The following SNX9 variants were observed in gnomAD, a reference collection of about 807,000 sequenced individuals.
The protein encoded by SNX9 is sorting nexin-9.
In SNX9, 44 loss-of-function variants were observed where a neutral mutation model predicts 89.4. That is an observed-to-expected ratio of 0.49 (90% CI 0.39 to 0.63). The LOEUF (loss-of-function observed/expected upper bound fraction) is 0.63. Ranked by LOEUF, SNX9 falls within the 30% of genes least tolerant of loss-of-function variation. SNX9 has a pLI of 0.00. For synonymous variants in SNX9, 236 were observed against 247.8 expected, an observed-to-expected ratio of 0.95 and a Z score of 0.45; for missense variants, 578 against 736.1, an observed-to-expected ratio of 0.79 and a Z score of 2.49.
intron 4 of SNX9, among the ~76,000 whole-genome samples, chr6:157,881,811 A>G (rs1782628777): frequency 1.3e-5 from 2 of 152,206 alleles, no homozygotes; most frequent in South Asian, 2.1e-4. Flanking sequence ...TGCAGAAGAA[A>G]AGTTTGAAGC....
At chr6:157,890,916 G>T (rs1013113668) in intron 4 of SNX9, among the ~76,000 whole-genome samples, 1 of 151,180 alleles carries the variant, frequency 6.6e-6, no homozygotes, top group African/African-American at 2.4e-5. Context: ...TCTCATATTT[G>T]CCCATTCCTC....
intron 1 of SNX9, among the ~76,000 whole-genome samples, chr6:157,835,282 G>T (rs1282830177): frequency 2.6e-5 from 4 of 152,008 alleles, no homozygotes; most frequent in Non-Finnish European, 4.4e-5. Flanking sequence ...CAAAGTGCTG[G>T]GATTACAGGC....
intron 4 of SNX9, among the ~76,000 whole-genome samples, chr6:157,896,011 A>G (rs1368945609): frequency 2.0e-5 from 3 of 152,238 alleles, no homozygotes; most frequent in African/African-American, 7.2e-5. Flanking sequence ...TTAACCATCA[A>G]CTTTTTTTCT....
intron 2 of SNX9, among the ~76,000 whole-genome samples, chr6:157,867,919 G>A (rs1479294590): frequency 3.9e-5 from 6 of 152,062 alleles, no homozygotes; most frequent in Non-Finnish European, 7.4e-5. Flanking sequence ...TATCTTCTTC[G>A]ATATGTTTAT....
At chr6:157,906,029 A>G (rs1459153504) in intron 6 of SNX9, 99 bp from the exon 7 acceptor site, 2 of 968,648 alleles carry the variant, frequency 2.1e-6, no homozygotes, top group Non-Finnish European at 3.1e-6. Flanking sequence ...CACCCGAAAG[A>G]CAGGACAAGG....
At chr6:157,891,961 C>A (rs1244848063) in intron 4 of SNX9, among the ~76,000 whole-genome samples, 1 of 152,134 alleles carries the variant, frequency 6.6e-6, no homozygotes, top group African/African-American at 2.4e-5. Context: ...TGAAGAAACT[C>A]CTGATTGAGC....
intron 16 of SNX9, 139 bp downstream of exon 16, chr6:157,938,886 G>A (rs748125222): frequency 1.8e-5 from 11 of 597,914 alleles, no homozygotes; most frequent in South Asian, 2.8e-5. Context: ...GCAGGATCCC[G>A]GTGCTGATGA....
In SNX9 at chr6:157,844,587, G is replaced by GTTTTT. The variant is rs1177648226; in HGVS notation, c.12+21149_12+21153dup. Among the ~76,000 whole-genome samples, 653 of 130,198 alleles carry GTTTTT rather than the reference G, an allele frequency of 5.0e-3. 42 individuals are homozygous for GTTTTT. The highest frequency in any genetic ancestry group is 0.019 in the African/African-American group (612 of 32,826). 85.4% of individuals were successfully genotyped at this position (130,198 alleles called of 152,430 possible). On this transcript the variant is annotated intron_variant, in intron 1 of 17. Coordinates refer to ENST00000392185, the MANE Select transcript of SNX9 (RefSeq NM_016224.5). The stretch of plus-strand genomic sequence containing the variant: ...ATTTTTAATCTTGTGGCTAATCCTT[G>GTTTTT]TTTTTTTTTTTTGTTTTTTTTTTTG...
At chr6:157,873,248 C>T in intron 3 of SNX9, 72 bp downstream of exon 3, 1 of 1,293,664 alleles carries the variant, frequency 7.7e-7, no homozygotes, top group Non-Finnish European at 1.0e-6. Flanking sequence ...TATCAACTTA[C>T]AAGAAGTCAG....
intron 1 of SNX9, among the ~76,000 whole-genome samples, chr6:157,843,797 TTAAA>T (rs1562591891): frequency 2.0e-5 from 3 of 152,166 alleles, no homozygotes; most frequent in Admixed American, 6.5e-5. Flanking sequence ...TTAGAAGAGC[TTAAA>T]TAGTTTGAAG....
At chr6:157,834,878 T>C (rs551464980) in intron 1 of SNX9, among the ~76,000 whole-genome samples, 1 of 152,318 alleles carries the variant, frequency 6.6e-6, no homozygotes, top group South Asian at 2.1e-4. Context: ...GCGTATTCAA[T>C]GTCCTTGCAA....
chr6:157,932,809 C>A (rs1333488938), intron 13 of SNX9, among the ~76,000 whole-genome samples: 2 of 138,314 alleles, frequency 1.4e-5, no homozygotes, highest in Non-Finnish European at 3.0e-5. Context: ...AGAGGTTGCA[C>A]TGAGCCATGA....
intron 4 of SNX9, among the ~76,000 whole-genome samples, chr6:157,891,077 G>T (rs1782849757): frequency 7.0e-6 from 1 of 141,956 alleles, no homozygotes; most frequent in Non-Finnish European, 1.5e-5. Context: ...TGTCACCCAG[G>T]CTGGAGTGTA....
chr6:157,943,011 G>A lies in SNX9; in HGVS notation c.*173G>A. 1.8e-6 allele frequency: 1 copy of A among 553,044 alleles called. No homozygotes were observed. Among genetic ancestry groups the A allele is most frequent in the South Asian group, 2.9e-5 (1 of 34,612 alleles). The allele number at this position is 553,044 out of a possible 1,614,324, so 34.3% of individuals were successfully genotyped here. A position where few individuals can be genotyped will look rare whatever the true frequency, so the allele number is the denominator to read the frequency against. On this transcript the variant is annotated 3_prime_UTR_variant, in exon 18 of 18. Coordinates refer to ENST00000392185, the MANE Select transcript of SNX9 (RefSeq NM_016224.5). ...CCACCCTAAATGCGTCAGTTATTTA[G>A]GGATGGTCTTTTGTTCATTTCCGCA...
intron 1 of SNX9, among the ~76,000 whole-genome samples, chr6:157,836,065 G>A (rs1209844280): frequency 6.6e-6 from 1 of 152,118 alleles, no homozygotes; most frequent in Non-Finnish European, 1.5e-5. Context: ...CCAAGTAGCT[G>A]GGACTACAGG....
chr6:157,842,997 A>G (rs1781731941), intron 1 of SNX9, among the ~76,000 whole-genome samples: 1 of 152,230 alleles, frequency 6.6e-6, no homozygotes, highest in Non-Finnish European at 1.5e-5. Flanking sequence ...TCCCAAAGTT[A>G]GTTCTGGCCT....
intron 1 of SNX9, among the ~76,000 whole-genome samples, chr6:157,849,171 G>C (rs1781861008): frequency 6.6e-6 from 1 of 152,240 alleles, no homozygotes. Context: ...AGAATTGTAA[G>C]TGATAAGGCC....
chr6:157,883,385 G>A (rs576977493), intron 4 of SNX9, among the ~76,000 whole-genome samples: 3 of 152,218 alleles, frequency 2.0e-5, no homozygotes, highest in Admixed American at 6.5e-5. Flanking sequence ...TCATCTCCTT[G>A]TTTAAGAAAC....
Position 157,915,638 on chromosome 6 carries a change from A to T in SNX9, c.949+5613A>T, listed in dbSNP as rs1426614815. 6.0e-3 allele frequency among the ~76,000 whole-genome samples: 461 copies of T among 77,312 alleles called. 10 individuals carry two copies. Among genetic ancestry groups the T allele is most frequent in the Non-Finnish European group, 8.7e-3 (315 of 36,322 alleles). The allele number at this position is 77,312 out of a possible 152,430, so 50.7% of individuals were successfully genotyped here. On this transcript the variant is annotated intron_variant, in intron 9 of 17. Transcript: ENST00000392185. ...CCATCTCTACTAAAAAAAAAAAAAAAAAATATATATATATATATACACACA... is the reference window on the plus strand; with the variant it reads ...CCATCTCTACTAAAAAAAAAAAAAATAAATATATATATATATATACACACA...
Sources: allele counts gnomAD v4.1 joint callset (sites outside exome capture counted in the v4.1 genomes callset), GRCh38; gene constraint gnomAD v4.1.1; transcripts MANE v1.5; gene names NCBI Gene and HGNC (gene_info 2026-07-23, HGNC 2026-07-21).